The following RCBTB1 variants were observed in gnomAD, a reference collection of about 807,000 sequenced individuals.
RCBTB1 encodes the protein RCC1 and BTB domain containing protein 1.
RCBTB1 carries 46 observed loss-of-function variants against 62.4 expected under a neutral mutation model. That is an observed-to-expected ratio of 0.74 (90% CI 0.58 to 0.94). The LOEUF is 0.94. Ranked by LOEUF, RCBTB1 falls within the 40% of genes least tolerant of loss-of-function variation. The pLI is 0.00. For synonymous variants in RCBTB1, 222 were observed against 245.8 expected (o/e 0.90, Z 0.91); for missense variants, 565 against 654.9 (o/e 0.86, Z 1.50).
At position 49,568,649 on chromosome 13, in the gene RCBTB1, GGGGGA is replaced by G. The variant is rs200753466; in HGVS notation, c.-41-1334_-41-1330del. Among the ~76,000 whole-genome samples the G allele has an allele frequency of 2.6e-3, 157 of 61,130 alleles. 1 individual carries two copies. Among genetic ancestry groups the G allele is most frequent in the East Asian group, 0.013 (40 of 3,096 alleles). 40.1% of individuals were successfully genotyped at this position (61,130 alleles called of 152,430 possible). The stretch of plus-strand genomic sequence containing the variant: ...TGTCACTTAAAAAAATAATCAGGCC[GGGGGA>G]GGGGGGTGGCTCACACCTGTAATCC... On this transcript the variant is annotated intron_variant, in intron 2 of 12. Coordinates refer to ENST00000378302, the MANE Select transcript of RCBTB1 (RefSeq NM_018191.4).
Position 49,534,039 on chromosome 13 carries a change from A to T in RCBTB1, c.*83T>A. ...AACCTGATGGTCTTTTACCTGCAGA[A>T]TCACATCACCCGTAGAGCACAAACT... On this transcript the variant is annotated 3_prime_UTR_variant, in exon 13 of 13. Transcript: ENST00000378302. The T allele has an allele frequency of 1.4e-6, 2 of 1,426,046 alleles. No homozygotes were observed. Among genetic ancestry groups the T allele is most frequent in the South Asian group, 1.3e-5 (1 of 74,402 alleles). The allele number at this position is 1,426,046 out of a possible 1,614,324, so 88.3% of individuals were successfully genotyped here.
chr13:49,555,533 A>G lies in RCBTB1; in HGVS notation c.585T>C (p.Ala195=). 6.2e-7 allele frequency: 1 copy of G among 1,613,986 alleles called. No individual in the cohort carries two copies. The highest frequency in any genetic ancestry group is 1.3e-5 in the African/African-American group (1 of 75,058). The change falls in exon 6 of 13, where the codon GCT becomes GCC. Residue 195 remains alanine, a synonymous_variant. Transcript: ENST00000378302. The part of the protein sequence containing the change: ...GIACGQTSSM[A]VLDNGEVYGW... ...ACCTCACCTCGCCATTGTCCAGAACAGCCATGGATGAAGTCTGACCACAGG... is the reference window on the plus strand; with the variant it reads ...ACCTCACCTCGCCATTGTCCAGAACGGCCATGGATGAAGTCTGACCACAGG...
Position 49,544,657 on chromosome 13 carries a change from T to C in RCBTB1, c.1172+80A>G, listed in dbSNP as rs555477608. 69 of 1,200,764 alleles carry C rather than the reference T, an allele frequency of 5.7e-5. No individual in the cohort carries two copies. The South Asian group carries it at 9.6e-4, about 17-fold the overall frequency. The allele number at this position is 1,200,764 out of a possible 1,614,324, so 74.4% of individuals were successfully genotyped here. Reference sequence around the variant, plus strand: ...CATTTCTCTCTACTACCAAGGCTATTTTTTATCAGTACTCATTTTGTGGAA... The same window carrying C: ...CATTTCTCTCTACTACCAAGGCTATCTTTTATCAGTACTCATTTTGTGGAA... On this transcript the variant is annotated intron_variant, in intron 10 of 12. Coordinates refer to ENST00000378302, the MANE Select transcript of RCBTB1 (RefSeq NM_018191.4).
Position 49,565,653 on chromosome 13 carries a change from G to A in RCBTB1, c.277+965C>T, listed in dbSNP as rs183147153. On this transcript the variant is annotated intron_variant, in intron 4 of 12. Coordinates refer to ENST00000378302, the MANE Select transcript of RCBTB1 (RefSeq NM_018191.4). ...CGACCCCGTCTGGGAGGTGAGGAGC[G>A]TCTCTGCCCGGCCGCCCCGTCTGAG... Among the ~76,000 whole-genome samples, 443 of 89,374 alleles carry A rather than the reference G, an allele frequency of 5.0e-3. 57 individuals are homozygous for A. The highest frequency in any genetic ancestry group is 0.017 in the African/African-American group (230 of 13,382). 58.6% of individuals were successfully genotyped at this position (89,374 alleles called of 152,430 possible).
intron 2 of RCBTB1, among the ~76,000 whole-genome samples, chr13:49,578,161 C>G (rs1202759843): frequency 6.6e-6 from 1 of 152,218 alleles, no homozygotes; most frequent in Non-Finnish European, 1.5e-5. Flanking sequence ...GCTCAAGTCC[C>G]TGATAGAAAA....
intron 9 of RCBTB1, among the ~76,000 whole-genome samples, chr13:49,546,578 G>A (rs1045946170): frequency 6.6e-6 from 1 of 152,192 alleles, no homozygotes; most frequent in Non-Finnish European, 1.5e-5. Context: ...TAGAATCAGT[G>A]GGAGTCCTGA....
intron 2 of RCBTB1, among the ~76,000 whole-genome samples, chr13:49,571,351 A>T (rs1963388045): frequency 6.6e-6 from 1 of 152,164 alleles, no homozygotes; most frequent in African/African-American, 2.4e-5. Context: ...CATCTCAAAA[A>T]AAAAAGAAGT....
At chr13:49,534,325 T>C (rs969661018) in intron 12 of RCBTB1, 63 bp from the exon 13 acceptor site, 30 of 1,537,664 alleles carry the variant, frequency 2.0e-5, no homozygotes, top group Non-Finnish European at 1.2e-5. Flanking sequence ...TTGAATTACT[T>C]CTCTCTGAGC....
intron 12 of RCBTB1, among the ~76,000 whole-genome samples, chr13:49,538,579 T>G (rs1182610249): frequency 6.6e-6 from 1 of 151,928 alleles, no homozygotes; most frequent in African/African-American, 2.4e-5. Context: ...TAGCTGGGTG[T>G]GGTGGCACAC....
chr13:49,541,255 T>C (rs1960338595), intron 11 of RCBTB1, among the ~76,000 whole-genome samples: 1 of 152,174 alleles, frequency 6.6e-6, no homozygotes. Flanking sequence ...TCAATCCTCA[T>C]TTTGTTTCTA....
At chr13:49,561,172 T>C (rs9596148) in intron 4 of RCBTB1, among the ~76,000 whole-genome samples, 37,045 of 152,086 alleles carry the variant, frequency 0.24, 5,822 homozygotes, top group African/African-American at 0.44. Context: ...TAAAACATCC[T>C]GACCTATTAA....
chr13:49,543,550 G>A (rs960409816), intron 10 of RCBTB1, among the ~76,000 whole-genome samples: 1 of 152,076 alleles, frequency 6.6e-6, no homozygotes, highest in African/African-American at 2.4e-5. Flanking sequence ...TTGCCAATAG[G>A]TTTTTACCTA....
At position 49,560,188 on chromosome 13, in the gene RCBTB1, C is replaced by T. The variant is rs980118245; in HGVS notation, c.278-104G>A. 75 of 1,233,930 alleles carry T rather than the reference C, an allele frequency of 6.1e-5. 1 individual carries two copies. In the Admixed American group the frequency reaches 1.6e-3, roughly 26 times the overall value. The allele number at this position is 1,233,930 out of a possible 1,614,324, so 76.4% of individuals were successfully genotyped here. ...AGCTCCTTCTCCAACCTTCATTTCT[C>T]TCCCATTGCCCCCTCCTCTCTATTA... On this transcript the variant is annotated intron_variant, in intron 4 of 12. Transcript: ENST00000378302.
intron 5 of RCBTB1, among the ~76,000 whole-genome samples, chr13:49,559,257 C>T (rs1291370216): frequency 6.6e-6 from 1 of 152,120 alleles, no homozygotes; most frequent in East Asian, 1.9e-4. Context: ...GTGGATGAAC[C>T]TTGAGGATAT....
intron 10 of RCBTB1, among the ~76,000 whole-genome samples, chr13:49,544,051 G>GCACAGC (rs1201098553): frequency 6.6e-6 from 1 of 152,098 alleles, no homozygotes; most frequent in Non-Finnish European, 1.5e-5. Context: ...TCCTATGAGA[G>GCACAGC]TTTTCTGCTT....
intron 1 of RCBTB1, among the ~76,000 whole-genome samples, chr13:49,583,862 T>G (rs1041650667): frequency 2.0e-5 from 3 of 152,186 alleles, no homozygotes; most frequent in Admixed American, 2.0e-4. Context: ...GTAACATTTT[T>G]AACTTTTTGT....
intron 2 of RCBTB1, among the ~76,000 whole-genome samples, chr13:49,577,835 C>T (rs910991930): frequency 3.9e-5 from 6 of 152,180 alleles, no homozygotes; most frequent in African/African-American, 1.4e-4. Flanking sequence ...CTACTCAAAA[C>T]AGCAACTTCT....
At chr13:49,549,368 G>T in intron 9 of RCBTB1, 90 bp downstream of exon 9, 1 of 1,286,764 alleles carries the variant, frequency 7.8e-7, no homozygotes, top group Non-Finnish European at 1.1e-6. Context: ...AAAACATTCT[G>T]AGAGATCCCA....
chr13:49,573,127 C>A (rs1020681163), intron 2 of RCBTB1, among the ~76,000 whole-genome samples: 1 of 152,140 alleles, frequency 6.6e-6, no homozygotes, highest in Admixed American at 6.5e-5. Flanking sequence ...ATCCCAAATT[C>A]AAAACAAAAC....
Sources: allele counts gnomAD v4.1 joint callset (sites outside exome capture counted in the v4.1 genomes callset), GRCh38; gene constraint gnomAD v4.1.1; transcripts MANE v1.5; gene names NCBI Gene and HGNC (gene_info 2026-07-23, HGNC 2026-07-21).